Variants in MYH11 observed in about 807,000 individuals in gnomAD.
MYH11 encodes the protein myosin heavy chain 11, also known as myosin-11.
In MYH11, 80 loss-of-function variants were observed where a neutral mutation model predicts 246.6. The observed-to-expected ratio is 0.32, with a 90% CI of 0.27 to 0.39. The LOEUF is 0.39. MYH11 is among the 10% of genes least tolerant of loss of function. The pLI, the probability that MYH11 is intolerant of heterozygous loss-of-function variation, is 1.00. For missense variants in MYH11, 2,158 were observed against 2,546.8 expected (o/e 0.85, Z 3.29); for synonymous variants, 1,071 against 1,015.5 (o/e 1.05, Z -1.04).
chr16:15,780,450 C>G (rs1203924798), intron 6 of MYH11, among the ~76,000 whole-genome samples: 3 of 140,774 alleles, frequency 2.1e-5, no homozygotes, highest in Non-Finnish European at 3.1e-5. Context: ...TAGAACCTAA[C>G]CTTTATGACT....
chr16:15,726,226 CCCCTTA>C (rs2040749622), intron 28 of MYH11: 6 of 154,722 alleles, frequency 3.9e-5, no homozygotes, highest in Admixed American at 3.9e-4. Context: ...CCCTTCCCTT[CCCCTTA>C]CTCGGCTGGA....
Position 15,717,315 on chromosome 16 carries a change from G to A in MYH11, c.5329C>T (p.Arg1777Cys), listed in dbSNP as rs1441546016. The change falls in exon 38 of 41, where the codon CGC becomes TGC. Residue 1777 changes from arginine to cysteine, a missense_variant. Arg to Cys is a radical substitution (Grantham distance 180). Around this residue, in one of 11 missense-constraint regions of MYH11, gnomAD observed 1,013 missense variants for 993.5 expected, o/e 1.02. Coordinates refer to ENST00000300036, the MANE Select transcript of MYH11 (RefSeq NM_002474.3). Reference sequence around the variant, plus strand: ...CTCTCATTCTTCTGGGCCGTGCTGCGCTCTGTGGCCAGCTCGTTGCTGAGC... The same window carrying A: ...CTCTCATTCTTCTGGGCCGTGCTGCACTCTGTGGCCAGCTCGTTGCTGAGC... Reference protein sequence around the residue: ...EQLSNELATERSTAQKNESAR... With the variant: ...EQLSNELATECSTAQKNESAR... The A allele has an allele frequency of 2.5e-6, 4 of 1,611,232 alleles. No individual in the cohort carries two copies. Among genetic ancestry groups the A allele is most frequent in the African/African-American group, 1.3e-5 (1 of 75,066 alleles).
At chr16:15,812,360 G>A (rs1017717415) in intron 3 of MYH11, among the ~76,000 whole-genome samples, 4 of 151,966 alleles carry the variant, frequency 2.6e-5, no homozygotes, top group African/African-American at 4.8e-5. Context: ...AGGCATGCAC[G>A]AGAAGGAAGA....
chr16:15,710,468 C>A (rs1013991907), intron 40 of MYH11, among the ~76,000 whole-genome samples: 1 of 152,078 alleles, frequency 6.6e-6, no homozygotes, highest in Non-Finnish European at 1.5e-5. Flanking sequence ...TTGCAGTGAG[C>A]CGAGATCGCG....
chr16:15,821,365 C>G (rs2043405897), intron 3 of MYH11, among the ~76,000 whole-genome samples: 1 of 152,174 alleles, frequency 6.6e-6, no homozygotes, highest in African/African-American at 2.4e-5. Context: ...GGTCACGTAA[C>G]AAAATGTTAA....
In MYH11 at chr16:15,720,723, ACT is replaced by A. The variant is rs34491943; in HGVS notation, c.4791+114_4791+115del. ...ACTCCAGCCTGGGCGACAGAGCGAGACTCTGTTTCAAAAAAAAATAAAGAAAA... is the reference window on the plus strand; with the variant it reads ...ACTCCAGCCTGGGCGACAGAGCGAGACTGTTTCAAAAAAAAATAAAGAAAA... On this transcript the variant is annotated intron_variant, in intron 33 of 40. Transcript: ENST00000300036. The A allele has an allele frequency of 0.031, 36,130 of 1,150,114 alleles. 877 individuals are homozygous for A. Among genetic ancestry groups the A allele is most frequent in the South Asian group, 0.086 (6,724 of 78,268 alleles). The allele number at this position is 1,150,114 out of a possible 1,614,324, so 71.2% of individuals were successfully genotyped here. A position where few individuals can be genotyped will look rare whatever the true frequency, so the allele number is the denominator to read the frequency against.
At chr16:15,722,436 G>T (rs1035468690) in intron 31 of MYH11, among the ~76,000 whole-genome samples, 2 of 152,156 alleles carry the variant, frequency 1.3e-5, no homozygotes, top group African/African-American at 4.8e-5. Context: ...ATTATAAATT[G>T]TAACATCCAA....
At chr16:15,854,445 G>C (rs1215272618) in intron 1 of MYH11, among the ~76,000 whole-genome samples, 1 of 152,180 alleles carries the variant, frequency 6.6e-6, no homozygotes, top group Non-Finnish European at 1.5e-5. Context: ...TTACTGGTTA[G>C]CTGAGCTATC....
intron 33 of MYH11, among the ~76,000 whole-genome samples, 156 bp from the exon 34 acceptor site, chr16:15,720,468 G>A (rs1212438083): frequency 2.6e-5 from 4 of 152,032 alleles, no homozygotes; most frequent in African/African-American, 7.2e-5. Context: ...GAATCACGCC[G>A]GGCGTGGGTG....
At position 15,724,335 on chromosome 16, in the gene MYH11, G is replaced by T. The variant is rs1433018488; in HGVS notation, c.4191C>A (p.Phe1397Leu). The change falls in exon 31 of 41, where the codon TTC (phenylalanine) becomes TTA (leucine). Residue 1397 changes from phenylalanine (F) to leucine (L), a missense_variant. Phe to Leu is a conservative substitution (Grantham distance 22). Transcript: ENST00000300036. ...VEALEEGKKR[F>L]QKEIENLTQQ... Reference sequence around the variant, plus strand: ...GGGTGAGGTTCTCGATCTCCTTCTGGAACCTCTTCTTCCCCTCTTCCAGAG... The same window carrying T: ...GGGTGAGGTTCTCGATCTCCTTCTGTAACCTCTTCTTCCCCTCTTCCAGAG... The T allele has an allele frequency of 1.9e-6, 3 of 1,613,930 alleles. No individual in the cohort carries two copies. The African/African-American group carries it at 4.0e-5, about 22-fold the overall frequency.
At chr16:15,730,850 G>A (rs1169243929) in intron 27 of MYH11, among the ~76,000 whole-genome samples, 3 of 152,238 alleles carry the variant, frequency 2.0e-5, no homozygotes, top group Non-Finnish European at 2.9e-5. Flanking sequence ...TTCAGCATTC[G>A]GTACTGCTAT....
At chr16:15,705,431 A>G (rs953836870) in intron 40 of MYH11, among the ~76,000 whole-genome samples, 3 of 152,210 alleles carry the variant, frequency 2.0e-5, no homozygotes, top group Non-Finnish European at 4.4e-5. Context: ...GGTAGGAGGA[A>G]GAGAGTGGGC....
At chr16:15,707,827 C>T (rs556890581) in intron 40 of MYH11, among the ~76,000 whole-genome samples, 106 of 152,218 alleles carry the variant, frequency 7.0e-4, no homozygotes, top group Admixed American at 4.6e-3. Flanking sequence ...CAAAAATTAG[C>T]TGGGCGAGGT....
chr16:15,719,446 G>A, intron 35 of MYH11, 138 bp from the exon 36 acceptor site: 3 of 1,483,698 alleles, frequency 2.0e-6, no homozygotes, highest in Non-Finnish European at 2.8e-6. Context: ...ATACATAGAG[G>A]AGGGAAGCGT....
At chr16:15,853,145 T>G (rs933539437) in intron 1 of MYH11, among the ~76,000 whole-genome samples, 7 of 152,120 alleles carry the variant, frequency 4.6e-5, no homozygotes, top group African/African-American at 1.2e-4. Context: ...TAAAGTTCTA[T>G]GCCCCTCACC....
rs961635688 is a variant in MYH11 at position 15,703,245 on chromosome 16, T to G, written c.*746A>C. On this transcript the variant is annotated 3_prime_UTR_variant, in exon 41 of 41. Coordinates refer to ENST00000300036, the MANE Select transcript of MYH11 (RefSeq NM_002474.3). ...GGAGCAGCGTCTCCTTTTCAATTCA[T>G]GTGACTACAGAAGGCACTTGGTGAA... 4.6e-6 allele frequency: 1 copy of G among 215,562 alleles called. No individual in the cohort carries two copies. The highest frequency in any genetic ancestry group is 9.4e-6 in the Non-Finnish European group (1 of 106,892). The allele number at this position is 215,562 out of a possible 1,614,324, so 13.4% of individuals were successfully genotyped here.
Position 15,773,724 on chromosome 16 carries a change from T to C in MYH11, c.890-2012A>G, listed in dbSNP as rs144510643. The stretch of plus-strand genomic sequence containing the variant: ...GTCCTTGTTTATTTCTCATGGCTGC[T>C]TTCTCACTAGGCAACAGAGTTGAGT... On this transcript the variant is annotated intron_variant, in intron 8 of 40. Coordinates refer to ENST00000300036, the MANE Select transcript of MYH11 (RefSeq NM_002474.3). Among the ~76,000 whole-genome samples, 618 of 152,310 alleles carry C rather than the reference T, an allele frequency of 4.1e-3. 2 individuals carry two copies. The highest frequency in any genetic ancestry group is 0.017 in the Middle Eastern group (5 of 294).
intron 40 of MYH11, among the ~76,000 whole-genome samples, chr16:15,705,951 C>G (rs992050565): frequency 8.2e-6 from 1 of 121,744 alleles, no homozygotes; most frequent in African/African-American, 3.3e-5. Flanking sequence ...GGCCACTGCA[C>G]TCCAGCCTAG....
At position 15,735,563 on chromosome 16, in the gene MYH11, G is replaced by C. The variant is rs370854451; in HGVS notation, c.3309C>G (p.Ile1103Met). The change falls in exon 26 of 41, where the codon ATC (isoleucine) becomes ATG (methionine). Residue 1103 changes from isoleucine (I) to methionine (M), a missense_variant. Ile to Met is a conservative substitution (Grantham distance 10). Around this residue, in one of 11 missense-constraint regions of MYH11, gnomAD observed 284 missense variants for 315.4 expected, o/e 0.90. Transcript: ENST00000300036. ...TCTTCAGGGCATTGTTCTTCTGAGC[G>C]ATTTCATCGTCAAGCCTTCCAGGGA... is the stretch of plus-strand genomic sequence containing the variant. ...QAALARLDDE[I>M]AQKNNALKKI... is the part of the protein sequence containing the mutation. 6.2e-7 allele frequency: 1 copy of C among 1,614,066 alleles called. No homozygotes were observed. Among genetic ancestry groups the C allele is most frequent in the African/African-American group, 1.3e-5 (1 of 74,922 alleles).
Sources: gnomAD v4.1 joint callset for allele counts (sites outside exome capture counted in the v4.1 genomes callset) on GRCh38, gnomAD v4.1.1 for gene constraint, gnomAD v4.1.1 regional missense constraint, MANE v1.5 for transcripts, NCBI Gene and HGNC (gene_info 2026-07-23, HGNC 2026-07-21) for gene names.